PUS7: variants seen among roughly 807,000 people sequenced by gnomAD.
PUS7 encodes pseudouridine synthase 7.
In PUS7, 48 loss-of-function variants were observed where a neutral mutation model predicts 79.8. The observed-to-expected ratio is 0.60, with a 90% CI of 0.48 to 0.76. The LOEUF (loss-of-function observed/expected upper bound fraction) is 0.76, where lower values mean the gene tolerates loss of function less well. Among genes scored for constraint, PUS7 ranks in the 30% least tolerant of loss-of-function variants. The pLI is 0.00. For missense variants in PUS7, 729 were observed against 797.6 expected (o/e 0.91, Z 1.04); for synonymous variants, 286 against 272.2 (o/e 1.05, Z -0.50).
At chr7:105,511,697 G>A (rs1440005110) in intron 1 of PUS7, among the ~76,000 whole-genome samples, 1 of 152,034 alleles carries the variant, frequency 6.6e-6, no homozygotes, top group African/African-American at 2.4e-5. Flanking sequence ...GGAGGTAGAG[G>A]TTGCACTGAG....
intron 10 of PUS7, among the ~76,000 whole-genome samples, chr7:105,471,878 C>T (rs1023120595): frequency 1.4e-5 from 2 of 147,764 alleles, no homozygotes; most frequent in Non-Finnish European, 3.0e-5. Context: ...TGCCATTGCA[C>T]TCCAGCCTGG....
chr7:105,468,501 C>G (rs1823749507), intron 11 of PUS7, 38 bp from the exon 12 acceptor site: 8 of 1,535,366 alleles, frequency 5.2e-6, no homozygotes, highest in Non-Finnish European at 7.0e-6. Context: ...AAAACATATT[C>G]TAAATATAAA....
At chr7:105,507,405 C>A (rs1358768545) in intron 2 of PUS7, among the ~76,000 whole-genome samples, 1 of 152,066 alleles carries the variant, frequency 6.6e-6, no homozygotes, top group Non-Finnish European at 1.5e-5. Flanking sequence ...TACTAAGTAG[C>A]GAACTTCACA....
At chr7:105,510,656 G>A (rs1398262441) in intron 1 of PUS7, among the ~76,000 whole-genome samples, 1 of 152,002 alleles carries the variant, frequency 6.6e-6, no homozygotes, top group Non-Finnish European at 1.5e-5. Context: ...TGGGATCACA[G>A]GCGTGTACCA....
intron 11 of PUS7, 59 bp from the exon 12 acceptor site, chr7:105,468,522 C>CT (rs548213122): frequency 0.12 from 126,757 of 1,093,224 alleles, 15 homozygotes; most frequent in Non-Finnish European, 0.12. Flanking sequence ...AAGTGCTGTA[C>CT]TTTTTTTTTT....
At chr7:105,492,514 T>C (rs1824833218) in intron 6 of PUS7, among the ~76,000 whole-genome samples, 1 of 142,054 alleles carries the variant, frequency 7.0e-6, no homozygotes, top group African/African-American at 2.6e-5. Context: ...TTTTTTTTTT[T>C]TTTTTTTTTG....
At chr7:105,510,110 G>A (rs184359171) in intron 1 of PUS7, among the ~76,000 whole-genome samples, 2 of 152,062 alleles carry the variant, frequency 1.3e-5, no homozygotes, top group Non-Finnish European at 1.5e-5. Context: ...AGACCAGCCC[G>A]ATCAACAAGG....
intron 9 of PUS7, among the ~76,000 whole-genome samples, chr7:105,476,434 T>C (rs1048669468): frequency 1.3e-5 from 2 of 152,162 alleles, no homozygotes; most frequent in African/African-American, 2.4e-5. Flanking sequence ...CTCAGCTTAC[T>C]GCAACCTCTG....
intron 13 of PUS7, among the ~76,000 whole-genome samples, chr7:105,464,469 C>T (rs1338350947): frequency 6.6e-6 from 1 of 152,138 alleles, no homozygotes; most frequent in East Asian, 1.9e-4. Context: ...GGGCACACAC[C>T]TCCAGTCGGC....
intron 14 of PUS7, 93 bp from the exon 15 acceptor site, chr7:105,459,352 G>A (rs888947499): frequency 9.9e-6 from 7 of 707,184 alleles, no homozygotes; most frequent in Non-Finnish European, 1.6e-5. Flanking sequence ...AGAAAAACAA[G>A]TAAGTTTACT....
intron 9 of PUS7, among the ~76,000 whole-genome samples, chr7:105,479,261 G>A (rs1824223652): frequency 6.6e-6 from 1 of 152,168 alleles, no homozygotes; most frequent in African/African-American, 2.4e-5. Context: ...CAAAGAGGCA[G>A]AGGAAATATA....
In PUS7 at chr7:105,462,679, C is replaced by A. The variant is rs1823480348; in HGVS notation, c.1699G>T (p.Asp567Tyr). The change falls in exon 14 of 16, where the codon GAT (aspartate) becomes TAT (tyrosine). Residue 567 changes from aspartate (D) to tyrosine (Y), a missense_variant. Coordinates refer to ENST00000469408, the MANE Select transcript of PUS7 (RefSeq NM_019042.5). ...DIDNMRHKIRDYSLSGAYRKI... is the reference protein window; with the variant it reads ...DIDNMRHKIRYYSLSGAYRKI... Reference sequence around the variant, plus strand: ...CGGTAGGCCCCTGACAAGGAATAATCTCGAATTTTGTGTCTCATGTTGTCA... The same window carrying A: ...CGGTAGGCCCCTGACAAGGAATAATATCGAATTTTGTGTCTCATGTTGTCA... The A allele has an allele frequency of 6.2e-7, 1 of 1,613,838 alleles. No individual in the cohort carries two copies. Among genetic ancestry groups the A allele is most frequent in the East Asian group, 2.2e-5 (1 of 44,862 alleles).
intron 4 of PUS7, among the ~76,000 whole-genome samples, chr7:105,505,217 G>T (rs774461486): frequency 2.8e-4 from 43 of 152,028 alleles, no homozygotes; most frequent in Admixed American, 2.6e-4. Context: ...TGGCCAGGCT[G>T]GTCTTGAACT....
At chr7:105,508,667 G>A in intron 1 of PUS7, 123 bp from the exon 2 acceptor site, 4 of 1,299,528 alleles carry the variant, frequency 3.1e-6, no homozygotes, top group Non-Finnish European at 4.1e-6. Context: ...ATCACTTGAG[G>A]TCAGGAGTTC....
intron 6 of PUS7, among the ~76,000 whole-genome samples, chr7:105,492,795 CCG>C (rs1342811392): frequency 4.6e-5 from 7 of 152,148 alleles, no homozygotes; most frequent in African/African-American, 1.7e-4. Flanking sequence ...GCGTGAGCCA[CCG>C]CGCCCGGCCG....
chr7:105,512,992 G>C (rs1485189876), intron 1 of PUS7, among the ~76,000 whole-genome samples: 1 of 152,204 alleles, frequency 6.6e-6, no homozygotes, highest in Non-Finnish European at 1.5e-5. Flanking sequence ...GGGGAACTGA[G>C]AGGACAGTGG....
chr7:105,462,519 G>T, intron 14 of PUS7, 102 bp downstream of exon 14: 2 of 1,225,844 alleles, frequency 1.6e-6, no homozygotes, highest in South Asian at 2.8e-5. Flanking sequence ...ATCTGTCACT[G>T]ACTGAAAATT....
Position 105,521,219 on chromosome 7 carries a change from T to C in PUS7, c.-33+833A>G, listed in dbSNP as rs190484642. Among the ~76,000 whole-genome samples the C allele has an allele frequency of 9.9e-4, 150 of 151,760 alleles. 2 individuals are homozygous for C. The East Asian group carries it at 0.021, about 21-fold the overall frequency. On this transcript the variant is annotated intron_variant, in intron 1 of 15. Transcript: ENST00000469408. ...GGGGCATAGTCATTTCATAGATGAT[T>C]AGAGGCTTGGGGATGGGGGGGAGGG...
intron 12 of PUS7, among the ~76,000 whole-genome samples, chr7:105,467,740 T>C (rs1314108264): frequency 6.6e-6 from 1 of 151,916 alleles, no homozygotes; most frequent in East Asian, 2.0e-4. Flanking sequence ...AGAGAGGTGC[T>C]TACTCAGGCC....
Sources: gnomAD v4.1 joint callset for allele counts (sites outside exome capture counted in the v4.1 genomes callset) on GRCh38, gnomAD v4.1.1 for gene constraint, MANE v1.5 for transcripts, NCBI Gene and HGNC (gene_info 2026-07-23, HGNC 2026-07-21) for gene names.